Variants in ITGA9 observed in about 807,000 individuals in gnomAD.
ITGA9 encodes the protein integrin subunit alpha 9, also known as integrin alpha-9.
A neutral mutation model predicts 127.8 loss-of-function variants in ITGA9; 56 were observed. The observed-to-expected ratio is 0.44, with a 90% CI of 0.35 to 0.55. The LOEUF (loss-of-function observed/expected upper bound fraction) is 0.55. Among genes scored for constraint, ITGA9 ranks in the 20% least tolerant of loss-of-function variants. The pLI, the probability that ITGA9 is intolerant of heterozygous loss-of-function variation, is 0.00. For missense variants in ITGA9, 1,196 were observed against 1,347.1 expected, an observed-to-expected ratio of 0.89 and a Z score of 1.76; for synonymous variants, 508 against 514.5, an observed-to-expected ratio of 0.99 and a Z score of 0.17.
At chr3:37,774,642 A>G (rs1696884638) in intron 23 of ITGA9, among the ~76,000 whole-genome samples, 1 of 151,928 alleles carries the variant, frequency 6.6e-6, no homozygotes, top group Non-Finnish European at 1.5e-5. Flanking sequence ...AAGGAGGATC[A>G]CCTGAGCCCA....
At chr3:37,612,660 T>C (rs1277855882) in intron 15 of ITGA9, among the ~76,000 whole-genome samples, 1 of 152,266 alleles carries the variant, frequency 6.6e-6, no homozygotes, top group Non-Finnish European at 1.5e-5. Flanking sequence ...TAAGAACTTC[T>C]GGTTTAAGAT....
intron 18 of ITGA9, among the ~76,000 whole-genome samples, chr3:37,705,477 T>C (rs1700993997): frequency 6.6e-6 from 1 of 152,210 alleles, no homozygotes; most frequent in African/African-American, 2.4e-5. Context: ...GCATACCAGG[T>C]TTTTGGTCCT....
At chr3:37,477,008 A>G (rs1460187547) in intron 3 of ITGA9, among the ~76,000 whole-genome samples, 2 of 152,220 alleles carry the variant, frequency 1.3e-5, no homozygotes, top group Non-Finnish European at 2.9e-5. Context: ...AAACACCAGG[A>G]AACATTCTGT....
chr3:37,755,069 A>C lies in ITGA9; in HGVS notation c.2541+4500A>C, dbSNP rs72860943. ...TTACTCCTGAATAACTGACCCCCCC[A>C]AAAAAATGAATACCATTTATTGCTG... On this transcript the variant is annotated intron_variant, in intron 23 of 27. Coordinates refer to ENST00000264741, the MANE Select transcript of ITGA9 (RefSeq NM_002207.3). Among the ~76,000 whole-genome samples, 1,141 of 152,256 alleles carry C rather than the reference A, an allele frequency of 7.5e-3. 21 individuals carry two copies. Among genetic ancestry groups the C allele is most frequent in the African/African-American group, 0.026 (1,065 of 41,532 alleles).
chr3:37,587,143 T>G (rs1699766917), intron 15 of ITGA9, among the ~76,000 whole-genome samples: 1 of 152,198 alleles, frequency 6.6e-6, no homozygotes, highest in African/African-American at 2.4e-5. Context: ...TACAATAGCA[T>G]CTAGTAACAT....
intron 16 of ITGA9, among the ~76,000 whole-genome samples, chr3:37,646,291 A>G (rs1040025710): frequency 6.6e-6 from 1 of 152,238 alleles, no homozygotes; most frequent in African/African-American, 2.4e-5. Context: ...CATATAGCCT[A>G]CAAGCCCAAA....
In ITGA9 at chr3:37,629,594, G is replaced by A. The variant is rs1700210572; in HGVS notation, c.1839+258G>A. ...TAGAAGTTACAATCCCCTCGAGTTC[G>A]TGAACTGGCTGGCCACTTGGTCCCT... On this transcript the variant is annotated intron_variant, in intron 16 of 27. Transcript: ENST00000264741. The surrounding 1 kb of genome is among the most constrained non-coding windows in gnomAD (Gnocchi z 4.5). 5 of 611,212 alleles carry A rather than the reference G, an allele frequency of 8.2e-6. No individual in the cohort carries two copies. Among genetic ancestry groups the A allele is most frequent in the Non-Finnish European group, 1.4e-5 (5 of 344,936 alleles). The allele number at this position is 611,212 out of a possible 1,614,324, so 37.9% of individuals were successfully genotyped here.
intron 17 of ITGA9, among the ~76,000 whole-genome samples, chr3:37,674,876 A>C (rs1700667219): frequency 1.3e-5 from 2 of 152,188 alleles, no homozygotes; most frequent in Admixed American, 1.3e-4. Flanking sequence ...AAGTGAACAG[A>C]ATGTGGATCC....
chr3:37,626,369 G>A (rs564973920), intron 15 of ITGA9, among the ~76,000 whole-genome samples: 13 of 152,172 alleles, frequency 8.5e-5, no homozygotes, highest in South Asian at 2.1e-4. Flanking sequence ...TCTATAAAAC[G>A]GGGGGCAATG....
At chr3:37,680,944 A>G (rs886294530) in intron 17 of ITGA9, among the ~76,000 whole-genome samples, 1 of 152,132 alleles carries the variant, frequency 6.6e-6, no homozygotes, top group Non-Finnish European at 1.5e-5. Context: ...AATTTTTCAC[A>G]TCTTGTTTGG....
In ITGA9 at chr3:37,750,579, C is replaced by A; in HGVS notation, c.2541+10C>A. On this transcript the variant is annotated intron_variant, in intron 23 of 27. Transcript: ENST00000264741. ...TGTCCAGGAAATGGTGGTGAGTTCT[C>A]CATTTGTTTTCACTATTGCTTTCAG... 6.4e-7 allele frequency: 1 copy of A among 1,571,640 alleles called. No homozygotes were observed.
At chr3:37,815,437 C>T (rs1187601287) in intron 27 of ITGA9, among the ~76,000 whole-genome samples, 1 of 152,026 alleles carries the variant, frequency 6.6e-6, no homozygotes, top group Admixed American at 6.6e-5. Flanking sequence ...GATGAAACCC[C>T]GTCTCTACTA....
chr3:37,557,619 G>T (rs1699443948), intron 15 of ITGA9, among the ~76,000 whole-genome samples: 2 of 152,106 alleles, frequency 1.3e-5, no homozygotes, highest in Admixed American at 1.3e-4. Flanking sequence ...TAAAAAAAAT[G>T]TATTAAGGGC....
rs933258793 is a variant in ITGA9, at chr3:37,789,879, G to A, written c.2889+4801G>A. On this transcript the variant is annotated intron_variant, in intron 26 of 27. Transcript: ENST00000264741. The stretch of plus-strand genomic sequence containing the variant: ...AAAAATGAGAAAATAGTCAGGATGA[G>A]GGATGAGGAGTACACATAGGAAATT... 4.9e-4 allele frequency: 261 copies of A among 529,472 alleles called. 1 individual carries two copies. The highest frequency in any genetic ancestry group is 6.5e-4 in the Non-Finnish European group (201 of 307,856). The allele number at this position is 529,472 out of a possible 1,614,324, so 32.8% of individuals were successfully genotyped here. A position where few individuals can be genotyped will look rare whatever the true frequency, so the allele number is the denominator to read the frequency against.
intron 15 of ITGA9, among the ~76,000 whole-genome samples, chr3:37,582,611 A>G (rs987770674): frequency 2.0e-5 from 3 of 152,226 alleles, no homozygotes; most frequent in African/African-American, 4.8e-5. Context: ...TTGATGGCAC[A>G]TTTGATGACT....
At position 37,542,544 on chromosome 3, in the gene ITGA9, T is replaced by G; in HGVS notation, c.1648T>G (p.Tyr550Asp). The change falls in exon 15 of 28, where the codon TAC becomes GAC. Residue 550 changes from tyrosine to aspartate, a missense_variant. By Grantham distance (160) the Tyr-to-Asp change is radical. Coordinates refer to ENST00000264741, the MANE Select transcript of ITGA9 (RefSeq NM_002207.3). The stretch of plus-strand genomic sequence containing the variant: ...GGTCACAGAGAAGCTGCAGCTGACT[T>G]ACATGGAGGAGACGTGTCGTCACTA... ...GQVTEKLQLT[Y>D]MEETCRHYVA... The G allele has an allele frequency of 6.2e-7, 1 of 1,614,134 alleles. No individual in the cohort carries two copies. Among genetic ancestry groups the G allele is most frequent in the East Asian group, 2.2e-5 (1 of 44,876 alleles).
intron 12 of ITGA9, among the ~76,000 whole-genome samples, 168 bp from the exon 13 acceptor site, chr3:37,525,858 G>C (rs1699087520): frequency 6.6e-6 from 1 of 152,208 alleles, no homozygotes; most frequent in Non-Finnish European, 1.5e-5. Context: ...TGCCACGTCA[G>C]AGAGTGTGGC....
At chr3:37,718,129 G>C (rs1701153774) in intron 18 of ITGA9, among the ~76,000 whole-genome samples, 1 of 152,182 alleles carries the variant, frequency 6.6e-6, no homozygotes, top group South Asian at 2.1e-4. Flanking sequence ...CCCAACAAAG[G>C]ACACTGAGGC....
chr3:37,606,993 T>TA (rs1048810348), intron 15 of ITGA9, among the ~76,000 whole-genome samples: 10 of 102,306 alleles, frequency 9.8e-5, no homozygotes, highest in African/African-American at 3.0e-4. Flanking sequence ...TTTTTTTTTT[T>TA]AAAGAGATAG....
Sources: allele counts gnomAD v4.1 joint callset (sites outside exome capture counted in the v4.1 genomes callset), GRCh38; gene constraint gnomAD v4.1.1; non-coding constraint Gnocchi (gnomAD v3.1); transcripts MANE v1.5; gene names NCBI Gene and HGNC (gene_info 2026-07-23, HGNC 2026-07-21).